Variants in RPS6KA5 observed in about 807,000 individuals in gnomAD.
RPS6KA5 encodes the protein ribosomal protein S6 kinase alpha-5.
RPS6KA5 carries 27 observed loss-of-function variants against 85.5 expected under a neutral mutation model. The observed-to-expected ratio is 0.32, with a 90% CI of 0.23 to 0.44. RPS6KA5 has a LOEUF of 0.44. RPS6KA5 is among the 20% of genes least tolerant of loss of function. The pLI is 1.00. For synonymous variants in RPS6KA5, 334 were observed against 348.2 expected (o/e 0.96, Z 0.46); for missense variants, 811 against 980.9 (o/e 0.83, Z 2.31).
intron 2 of RPS6KA5, among the ~76,000 whole-genome samples, chr14:91,000,796 C>T (rs1031184206): frequency 6.6e-6 from 1 of 151,650 alleles, no homozygotes; most frequent in Non-Finnish European, 1.5e-5. Context: ...AGCTAGACTC[C>T]GTCTCAAAAA....
intron 5 of RPS6KA5, among the ~76,000 whole-genome samples, chr14:90,937,213 A>AT (rs2037306452): frequency 6.6e-6 from 1 of 152,078 alleles, no homozygotes; most frequent in African/African-American, 2.4e-5. Flanking sequence ...AAAGTAACTA[A>AT]AAAGTATTAA....
intron 5 of RPS6KA5, among the ~76,000 whole-genome samples, chr14:90,937,446 C>A (rs1166576451): frequency 6.6e-6 from 1 of 151,990 alleles, no homozygotes; most frequent in Non-Finnish European, 1.5e-5. Context: ...TTCATCTCCC[C>A]ATTTTTAAAA....
At chr14:90,897,575 A>G (rs2034910639) in intron 12 of RPS6KA5, among the ~76,000 whole-genome samples, 1 of 152,218 alleles carries the variant, frequency 6.6e-6, no homozygotes, top group African/African-American at 2.4e-5. Context: ...CCCAAGATAC[A>G]TTACAACTGC....
At chr14:90,940,120 C>T (rs1398563498) in intron 5 of RPS6KA5, among the ~76,000 whole-genome samples, 1 of 152,060 alleles carries the variant, frequency 6.6e-6, no homozygotes, top group Non-Finnish European at 1.5e-5. Context: ...AAACCTGAAG[C>T]CAAGCATGAT....
chr14:90,903,741 T>G (rs1218774195), intron 8 of RPS6KA5, among the ~76,000 whole-genome samples: 1 of 152,206 alleles, frequency 6.6e-6, no homozygotes, highest in Non-Finnish European at 1.5e-5. Flanking sequence ...ACAGGTCTCC[T>G]ACTACCACAT....
In RPS6KA5 at chr14:90,862,243, T is replaced by G. The variant is rs2032590973; in HGVS notation, c.*9831A>C. 6.6e-6 allele frequency: 1 copy of G among 152,136 alleles called. No homozygotes were observed. Among genetic ancestry groups the G allele is most frequent in the Non-Finnish European group, 1.5e-5 (1 of 68,028 alleles). The allele number at this position is 152,136 out of a possible 1,614,324, so 9.4% of individuals were successfully genotyped here. ...ATGACAACTTTCCCACAAAGAAAAC[T>G]TCTCATTCAAGTGGCTTCAATGGTG... On this transcript the variant is annotated 3_prime_UTR_variant, in exon 17 of 17. Transcript: ENST00000614987.
rs2032864197 is a variant in RPS6KA5 at position 90,867,832 on chromosome 14, T to C, written c.*4242A>G. The C allele has an allele frequency of 6.6e-6, 1 of 152,212 alleles. No individual in the cohort carries two copies. The highest frequency in any genetic ancestry group is 1.5e-5 in the Non-Finnish European group (1 of 68,026). 9.4% of individuals were successfully genotyped at this position (152,212 alleles called of 1,614,324 possible). A position where few individuals can be genotyped will look rare whatever the true frequency, so the allele number is the denominator to read the frequency against. On this transcript the variant is annotated 3_prime_UTR_variant, in exon 17 of 17. Coordinates refer to ENST00000614987, the MANE Select transcript of RPS6KA5 (RefSeq NM_004755.4). The stretch of plus-strand genomic sequence containing the variant: ...TAATAGTAGGAAAATATTAGGCACC[T>C]ACTTAATTCACAAATTCATGAAACA...
chr14:91,034,710 C>A (rs1351319631), intron 1 of RPS6KA5, among the ~76,000 whole-genome samples: 1 of 152,200 alleles, frequency 6.6e-6, no homozygotes, highest in Admixed American at 6.5e-5. Context: ...TTTCACTCTT[C>A]ACAATAAATC....
chr14:91,008,627 A>G (rs893805114), intron 1 of RPS6KA5, among the ~76,000 whole-genome samples: 1 of 152,250 alleles, frequency 6.6e-6, no homozygotes, highest in Non-Finnish European at 1.5e-5. Flanking sequence ...GGGCAAAGGT[A>G]TAAGTAGAAA....
Position 90,870,104 on chromosome 14 carries a change from T to G in RPS6KA5, c.*1970A>C, listed in dbSNP as rs1250519227. ...GACCATTTTTCTGGATCATTTTCTA[T>G]TAGCAACATAGTCCCTTTAGTTTGT... is the stretch of plus-strand genomic sequence containing the variant. On this transcript the variant is annotated 3_prime_UTR_variant, in exon 17 of 17. Transcript: ENST00000614987. 1 of 152,248 alleles carries G rather than the reference T, an allele frequency of 6.6e-6. No homozygotes were observed. The highest frequency in any genetic ancestry group is 2.4e-5 in the African/African-American group (1 of 41,466). The allele number at this position is 152,248 out of a possible 1,614,324, so 9.4% of individuals were successfully genotyped here.
intron 1 of RPS6KA5, among the ~76,000 whole-genome samples, chr14:91,040,196 C>T (rs955417532): frequency 2.0e-5 from 3 of 152,146 alleles, no homozygotes; most frequent in Admixed American, 6.6e-5. Context: ...CACTTGAGGT[C>T]GAGAGTTTGA....
intron 5 of RPS6KA5, among the ~76,000 whole-genome samples, chr14:90,937,583 C>T (rs763527847): frequency 5.3e-5 from 8 of 151,970 alleles, no homozygotes; most frequent in East Asian, 1.9e-4. Context: ...AATACATATC[C>T]GAGACTGGGA....
chr14:90,923,042 A>G, intron 6 of RPS6KA5, 71 bp downstream of exon 6: 1 of 1,125,658 alleles, frequency 8.9e-7, no homozygotes, highest in Non-Finnish European at 1.3e-6. Flanking sequence ...GAGATGACCT[A>G]AGTTGTTAAC....
At position 90,870,682 on chromosome 14, in the gene RPS6KA5, C is replaced by G. The variant is rs952143271; in HGVS notation, c.*1392G>C. 2.0e-5 allele frequency: 3 copies of G among 152,188 alleles called. No homozygotes were observed. The highest frequency in any genetic ancestry group is 7.3e-5 in the African/African-American group (3 of 41,338). 9.4% of individuals were successfully genotyped at this position (152,188 alleles called of 1,614,324 possible). ...TCATTAACAAAAACTATAAAATAAA[C>G]ATGTTGGGCATTATCTCTTTAAGCA... On this transcript the variant is annotated 3_prime_UTR_variant, in exon 17 of 17. Coordinates refer to ENST00000614987, the MANE Select transcript of RPS6KA5 (RefSeq NM_004755.4).
chr14:90,879,761 T>C (rs1046838043), intron 14 of RPS6KA5, among the ~76,000 whole-genome samples: 2 of 150,630 alleles, frequency 1.3e-5, no homozygotes, highest in African/African-American at 4.9e-5. Flanking sequence ...CAGAATAGAA[T>C]ATCTTTCTCT....
At chr14:90,946,858 T>C (rs750285288) in intron 4 of RPS6KA5, among the ~76,000 whole-genome samples, 1 of 152,202 alleles carries the variant, frequency 6.6e-6, no homozygotes, top group African/African-American at 2.4e-5. Flanking sequence ...AAACTGATTG[T>C]TACAGTTTGC....
intron 5 of RPS6KA5, among the ~76,000 whole-genome samples, chr14:90,923,730 C>T (rs1195474392): frequency 1.3e-5 from 2 of 151,854 alleles, no homozygotes; most frequent in African/African-American, 4.8e-5. Context: ...TTCTACCTTA[C>T]CATCTTGTGT....
chr14:90,908,985 C>T (rs150310334), intron 7 of RPS6KA5, among the ~76,000 whole-genome samples: 3,010 of 152,260 alleles, frequency 0.02, 45 homozygotes, highest in Non-Finnish European at 0.033. Context: ...TGGGAAGGTC[C>T]CCGATGAAGA....
At chr14:90,939,522 G>T (rs987438365) in intron 5 of RPS6KA5, among the ~76,000 whole-genome samples, 8 of 152,160 alleles carry the variant, frequency 5.3e-5, no homozygotes, top group Admixed American at 2.0e-4. Flanking sequence ...AAAGAAAGAG[G>T]TTTAATGGAC....
Sources: allele counts gnomAD v4.1 joint callset (sites outside exome capture counted in the v4.1 genomes callset), GRCh38; gene constraint gnomAD v4.1.1; transcripts MANE v1.5; gene names NCBI Gene and HGNC (gene_info 2026-07-23, HGNC 2026-07-21).